HSPBAP1: variants seen among roughly 807,000 people sequenced by gnomAD.
HSPBAP1 encodes the protein HSPB1-associated protein 1.
HSPBAP1 carries 27 observed loss-of-function variants against 45.2 expected under a neutral mutation model. That is an observed-to-expected ratio of 0.60 (90% CI 0.44 to 0.82). HSPBAP1 has a LOEUF of 0.82. HSPBAP1 is among the 40% of genes least tolerant of loss of function. HSPBAP1 has a pLI of 0.00. For missense variants in HSPBAP1, 510 were observed against 590.9 expected (o/e 0.86, Z 1.42); for synonymous variants, 204 against 202.7 (o/e 1.01, Z -0.06).
intron 6 of HSPBAP1, among the ~76,000 whole-genome samples, chr3:122,743,790 G>A (rs893034407): frequency 6.6e-6 from 1 of 152,182 alleles, no homozygotes; most frequent in Non-Finnish European, 1.5e-5. Flanking sequence ...ACAAGAGAAT[G>A]AGGAGAGTGA....
At chr3:122,788,184 T>C (rs1325901404) in intron 1 of HSPBAP1, among the ~76,000 whole-genome samples, 1 of 152,184 alleles carries the variant, frequency 6.6e-6, no homozygotes, top group Non-Finnish European at 1.5e-5. Flanking sequence ...CCTACACTTA[T>C]AAACCCTTGT....
In HSPBAP1 at chr3:122,793,652, G is replaced by C. The variant is rs192616237; in HGVS notation, c.29C>G (p.Pro10Arg). Residue 10 changes from proline to arginine, a missense_variant, in exon 1 of 8, where the codon CCT becomes CGT. Transcript: ENST00000306103. ...TCCAGCCCCAGCCGCAACGATCACA[G>C]GAGTGGTCGCCTCGGAGCCTGCTGC... MAAGSEATTPVIVAAGAGGE... is the reference protein window; with the variant it reads MAAGSEATTRVIVAAGAGGE... The C allele has an allele frequency of 7.4e-5, 120 of 1,613,952 alleles. No individual in the cohort carries two copies. The East Asian group carries it at 2.6e-3, about 35-fold the overall frequency.
intron 1 of HSPBAP1, among the ~76,000 whole-genome samples, chr3:122,781,383 T>C (rs1935464320): frequency 6.6e-6 from 1 of 151,996 alleles, no homozygotes; most frequent in Non-Finnish European, 1.5e-5. Flanking sequence ...CGAAACCCCG[T>C]CTCCACCAAA....
At chr3:122,746,189 A>G (rs986864590) in intron 6 of HSPBAP1, among the ~76,000 whole-genome samples, 2 of 152,184 alleles carry the variant, frequency 1.3e-5, no homozygotes, top group African/African-American at 4.8e-5. Context: ...ACAAAAACAA[A>G]CAAAACTGAA....
Position 122,768,876 on chromosome 3 carries a change from T to C in HSPBAP1, c.257A>G (p.Gln86Arg), listed in dbSNP as rs540251955. The change falls in exon 3 of 8, where the codon CAG becomes CGG. Residue 86 changes from glutamine to arginine, a missense_variant. By Grantham distance (43) the Gln-to-Arg change is conservative (BLOSUM62 1). Transcript: ENST00000306103. ...MGMKSMSTVP[Q>R]FETTCNYVEA... ...TACGTAATTACATGTAGTTTCAAAC[T>C]GAGGAACTGCAATGTAAGAGAATGC... 1.8e-5 allele frequency: 29 copies of C among 1,602,392 alleles called. No homozygotes were observed. In the South Asian group the frequency reaches 3.2e-4, roughly 18 times the overall value.
At chr3:122,749,203 A>G (rs1934039479) in intron 6 of HSPBAP1, among the ~76,000 whole-genome samples, 1 of 151,888 alleles carries the variant, frequency 6.6e-6, no homozygotes, top group South Asian at 2.1e-4. Flanking sequence ...GAAATGATAA[A>G]CCAGAAATGA....
Position 122,759,357 on chromosome 3 carries a change from C to T in HSPBAP1, c.436G>A (p.Val146Met). 1 of 1,612,474 alleles carries T rather than the reference C, an allele frequency of 6.2e-7. No homozygotes were observed. Among genetic ancestry groups the T allele is most frequent in the Non-Finnish European group, 8.5e-7 (1 of 1,178,740 alleles). The change falls in exon 4 of 8, where the codon GTG becomes ATG. Residue 146 changes from valine to methionine, a missense_variant. Val to Met is a conservative substitution (Grantham distance 21, BLOSUM62 1). Transcript: ENST00000306103. ...GGAAACCCGAAGTCAGACCATTTCA[C>T]ATCCTGTTTTGAAATAAAGTTGCAA... ...FEDKTDLFQD[V>M]KWSDFGFPGR... is the part of the protein sequence containing the mutation.
intron 1 of HSPBAP1, among the ~76,000 whole-genome samples, chr3:122,778,532 T>TATTTA (rs778666950): frequency 2.0e-5 from 3 of 150,558 alleles, no homozygotes; most frequent in African/African-American, 7.3e-5. Flanking sequence ...TATTTTTTTT[T>TATTTA]TTTTTTTGAG....
At chr3:122,759,437 C>A in intron 3 of HSPBAP1, 77 bp from the exon 4 acceptor site, 1 of 1,410,014 alleles carries the variant, frequency 7.1e-7, no homozygotes, top group Non-Finnish European at 9.9e-7. Context: ...TTTTCACTTG[C>A]ACATCTGTTA....
rs1160208925 is a variant in HSPBAP1 at position 122,780,891 on chromosome 3, C to G, written c.65-2985G>C. Among the ~76,000 whole-genome samples, 10 of 96,042 alleles carry G rather than the reference C, an allele frequency of 1.0e-4. 1 individual carries two copies. In the East Asian group the frequency reaches 2.7e-3, roughly 25 times the overall value. The allele number at this position is 96,042 out of a possible 152,430, so 63.0% of individuals were successfully genotyped here. A position where few individuals can be genotyped will look rare whatever the true frequency, so the allele number is the denominator to read the frequency against. On this transcript the variant is annotated intron_variant, in intron 1 of 7. Transcript: ENST00000306103. ...CCTCCCAGACGGGGTCGCGGCCGGGCAGAGGCACTCCTCACATCCCAGACG... is the reference window on the plus strand; with the variant it reads ...CCTCCCAGACGGGGTCGCGGCCGGGGAGAGGCACTCCTCACATCCCAGACG...
At chr3:122,743,693 G>GA (rs1045603546) in intron 6 of HSPBAP1, among the ~76,000 whole-genome samples, 45 of 152,262 alleles carry the variant, frequency 3.0e-4, no homozygotes, top group Middle Eastern at 3.4e-3. Context: ...AGAACCAATA[G>GA]AAAAAAATAT....
At chr3:122,755,128 C>T (rs1278380926) in intron 5 of HSPBAP1, 132 bp downstream of exon 5, 62 of 1,204,582 alleles carry the variant, frequency 5.1e-5, no homozygotes, top group Non-Finnish European at 6.5e-5. Flanking sequence ...TACCTTCCAA[C>T]AGCAGAGCAG....
At chr3:122,783,065 G>A (rs930259183) in intron 1 of HSPBAP1, among the ~76,000 whole-genome samples, 1 of 152,196 alleles carries the variant, frequency 6.6e-6, no homozygotes, top group Non-Finnish European at 1.5e-5. Flanking sequence ...TGGATGCTTA[G>A]AAGGGAAAGG....
chr3:122,755,391 G>A lies in HSPBAP1; in HGVS notation c.610C>T (p.Leu204Phe). The part of the protein sequence containing the change: ...HLFPPEDTPF[L>F]YPTRIPYEES... ...TCATAAGGGATTCTAGTTGGATAAA[G>A]GAAAGGAGTATCTTCAGGAGGAAAG... The change falls in exon 5 of 8, where the codon CTT (leucine) becomes TTT (phenylalanine). Residue 204 changes from leucine to phenylalanine, a missense_variant. Coordinates refer to ENST00000306103, the MANE Select transcript of HSPBAP1 (RefSeq NM_024610.6). 1.3e-6 allele frequency: 2 copies of A among 1,568,042 alleles called. No homozygotes were observed. Among genetic ancestry groups the A allele is most frequent in the Non-Finnish European group, 1.7e-6 (2 of 1,157,864 alleles).
rs142903659 is a variant in HSPBAP1 at position 122,775,476 on chromosome 3, T to G, written c.250+2245A>C. On this transcript the variant is annotated intron_variant, in intron 2 of 7. Coordinates refer to ENST00000306103, the MANE Select transcript of HSPBAP1 (RefSeq NM_024610.6). The stretch of plus-strand genomic sequence containing the variant: ...ACACTAGAATAGTTATAATTTTTTT[T>G]TCTTTTTTTTTGTACTTTTAGTAGA... Among the ~76,000 whole-genome samples the G allele has an allele frequency of 1.9e-3, 294 of 152,294 alleles. 1 individual carries two copies. The highest frequency in any genetic ancestry group is 3.4e-3 in the Middle Eastern group (1 of 292).
intron 1 of HSPBAP1, 110 bp from the exon 2 acceptor site, chr3:122,778,016 A>G: frequency 1.4e-6 from 1 of 711,368 alleles, no homozygotes; most frequent in East Asian, 2.7e-5. Flanking sequence ...CATTCTCTAC[A>G]ATTACAATAA....
Position 122,765,514 on chromosome 3 carries a change from G to A in HSPBAP1, c.432+3187C>T, listed in dbSNP as rs189397769. The stretch of plus-strand genomic sequence containing the variant: ...GAGAATTGCTTGAACCTAGGAGGCA[G>A]AGGTTGCAGTGAGCTGAGATCATGT... On this transcript the variant is annotated intron_variant, in intron 3 of 7. Transcript: ENST00000306103. 9.3e-5 allele frequency among the ~76,000 whole-genome samples: 14 copies of A among 150,650 alleles called. No homozygotes were observed. The East Asian group carries it at 2.7e-3, about 29-fold the overall frequency.
chr3:122,792,685 C>T (rs1935870267), intron 1 of HSPBAP1, among the ~76,000 whole-genome samples: 1 of 151,992 alleles, frequency 6.6e-6, no homozygotes, highest in South Asian at 2.1e-4. Flanking sequence ...CCATCCTGGC[C>T]AACATGGTGA....
chr3:122,759,217 A>ACACG lies in HSPBAP1; in HGVS notation c.569+6_569+7insCGTG. On this transcript the variant is annotated splice_region_variant and intron_variant, in intron 4 of 7. Coordinates refer to ENST00000306103, the MANE Select transcript of HSPBAP1 (RefSeq NM_024610.6). ...CACACACACACACACACACACACAC[A>ACACG]CATTACCTTCCTTGTACCTGGAATA... The ACACG allele has an allele frequency of 1.9e-6, 3 of 1,610,188 alleles. No homozygotes were observed. The East Asian group carries it at 6.7e-5, about 36-fold the overall frequency.
Sources: gnomAD v4.1 joint callset for allele counts (sites outside exome capture counted in the v4.1 genomes callset) on GRCh38, gnomAD v4.1.1 for gene constraint, MANE v1.5 for transcripts, NCBI Gene and HGNC (gene_info 2026-07-23, HGNC 2026-07-21) for gene names.